NOP14: variants seen among roughly 807,000 people sequenced by gnomAD.
The protein encoded by NOP14 is nucleolar protein 14.
NOP14 carries 57 observed loss-of-function variants against 101.6 expected under a neutral mutation model. That is an observed-to-expected ratio of 0.56 (90% CI 0.45 to 0.70). NOP14 has a LOEUF of 0.70. Among genes scored for constraint, NOP14 ranks in the 30% least tolerant of loss-of-function variants. The probability of loss-of-function intolerance (pLI) is 0.00; values close to 1 mark genes in which losing one functional copy is unlikely to be tolerated. For missense variants in NOP14, 1,134 were observed against 1,075.5 expected (o/e 1.05, Z -0.76); for synonymous variants, 428 against 424.0 (o/e 1.01, Z -0.12).
At position 2,938,827 on chromosome 4, in the gene NOP14, T is replaced by G; in HGVS notation, c.*4A>C. The G allele has an allele frequency of 6.2e-7, 1 of 1,607,760 alleles. No homozygotes were observed. Among genetic ancestry groups the G allele is most frequent in the Non-Finnish European group, 8.5e-7 (1 of 1,174,572 alleles). ...AGTTCCTTGCCTTATTTATAAAATG[T>G]AATTTATTTTTTGAACTTTTTCCTC... On this transcript the variant is annotated 3_prime_UTR_variant, in exon 18 of 18. Coordinates refer to ENST00000416614, the MANE Select transcript of NOP14 (RefSeq NM_001291978.2).
At chr4:2,953,172 A>G (rs975905214) in intron 5 of NOP14, among the ~76,000 whole-genome samples, 1 of 152,234 alleles carries the variant, frequency 6.6e-6, no homozygotes, top group African/African-American at 2.4e-5. Flanking sequence ...CAGAGGCAAA[A>G]ATAAGTAAAT....
intron 4 of NOP14, among the ~76,000 whole-genome samples, 174 bp from the exon 5 acceptor site, chr4:2,953,819 C>T (rs532043698): frequency 6.6e-6 from 1 of 152,296 alleles, no homozygotes; most frequent in South Asian, 2.1e-4. Flanking sequence ...TACCAAATCT[C>T]ATCAGACGGA....
chr4:2,956,966 A>T (rs955660208), intron 2 of NOP14, among the ~76,000 whole-genome samples, 155 bp from the exon 3 acceptor site: 1 of 152,152 alleles, frequency 6.6e-6, no homozygotes, highest in Non-Finnish European at 1.5e-5. Context: ...CTAAGCAATG[A>T]TTCATGATTC....
At chr4:2,959,404 A>C (rs953274048) in intron 1 of NOP14, among the ~76,000 whole-genome samples, 1 of 152,104 alleles carries the variant, frequency 6.6e-6, no homozygotes, top group Admixed American at 6.5e-5. Flanking sequence ...CATCCTGGGT[A>C]ACATGGTGAA....
chr4:2,942,965 C>T (rs187587175), intron 13 of NOP14, among the ~76,000 whole-genome samples: 146 of 152,278 alleles, frequency 9.6e-4, no homozygotes, highest in Non-Finnish European at 8.7e-4. Context: ...GAGGGGAAGG[C>T]GTGGGTCAGG....
chr4:2,958,985 A>G (rs1169064369), intron 1 of NOP14, among the ~76,000 whole-genome samples: 2 of 152,220 alleles, frequency 1.3e-5, no homozygotes, highest in African/African-American at 4.8e-5. Flanking sequence ...TTTAGAGCAC[A>G]TTCCATCTGG....
At chr4:2,960,662 T>TCATTATATTAA (rs1715671923) in intron 1 of NOP14, among the ~76,000 whole-genome samples, 4 of 144,816 alleles carry the variant, frequency 2.8e-5, no homozygotes, top group African/African-American at 7.7e-5. Flanking sequence ...TTACTATATA[T>TCATTATATTAA]TATTATATTA....
At chr4:2,948,174 G>GC in intron 9 of NOP14, 104 bp downstream of exon 9, 1 of 1,390,498 alleles carries the variant, frequency 7.2e-7, no homozygotes, top group East Asian at 2.6e-5. Flanking sequence ...GCCCCATCTG[G>GC]CCTGAGGCAC....
At chr4:2,954,837 T>C (rs969348445) in intron 3 of NOP14, among the ~76,000 whole-genome samples, 2 of 151,946 alleles carry the variant, frequency 1.3e-5, no homozygotes, top group African/African-American at 2.4e-5. Context: ...TATTTTTGAT[T>C]GTGCTGGTTC....
chr4:2,948,156 A>AC (rs2109302745), intron 9 of NOP14, 122 bp downstream of exon 9: 1 of 1,229,300 alleles, frequency 8.1e-7, no homozygotes, highest in East Asian at 2.6e-5. Context: ...TAACCATGTG[A>AC]CGGGCTGGCC....
chr4:2,941,353 G>A (rs1433011131), intron 15 of NOP14: 4 of 538,580 alleles, frequency 7.4e-6, no homozygotes, highest in African/African-American at 1.9e-5. Flanking sequence ...CACACAAGGC[G>A]ACAGTTCCCA....
At chr4:2,944,796 A>G in intron 12 of NOP14, among the ~76,000 whole-genome samples, 1 of 152,266 alleles carries the variant, frequency 6.6e-6, no homozygotes, top group Non-Finnish European at 1.5e-5. Flanking sequence ...CTAATAAAGA[A>G]AAAGGAACAG....
rs762916116 is a variant in NOP14, at chr4:2,956,484, A to G, written c.472+186T>C. 3.3e-5 allele frequency among the ~76,000 whole-genome samples: 5 copies of G among 152,218 alleles called. No homozygotes were observed. The South Asian group carries it at 6.2e-4, about 19-fold the overall frequency. Reference sequence around the variant, plus strand: ...ATCTACACACCATCTTAAAGTTCTGAAAACTTAAAAAAAAAACAAAAATAC... The same window carrying G: ...ATCTACACACCATCTTAAAGTTCTGGAAACTTAAAAAAAAAACAAAAATAC... On this transcript the variant is annotated intron_variant, in intron 3 of 17. Transcript: ENST00000416614.
intron 1 of NOP14, among the ~76,000 whole-genome samples, 177 bp downstream of exon 1, chr4:2,962,948 A>G (rs906230259): frequency 6.6e-6 from 1 of 152,182 alleles, no homozygotes; most frequent in Non-Finnish European, 1.5e-5. Context: ...GAGAGTTTCC[A>G]GGTCACTCCA....
intron 11 of NOP14, 64 bp from the exon 12 acceptor site, chr4:2,945,293 G>A (rs1452397725): frequency 5.8e-6 from 7 of 1,204,334 alleles, no homozygotes; most frequent in South Asian, 3.9e-5. Context: ...TGCCCTCCCC[G>A]CAAACACTCC....
chr4:2,938,772 G>A lies in NOP14; in HGVS notation c.*59C>T, dbSNP rs1713887986. ...ATCTTCCTGCCTTGGCCTCCCAGAG[G>A]GTTGGAATTGCAGATGTGAGGTAAT... On this transcript the variant is annotated 3_prime_UTR_variant, in exon 18 of 18. Transcript: ENST00000416614. 2.1e-6 allele frequency: 3 copies of A among 1,414,840 alleles called. No individual in the cohort carries two copies. In the African/African-American group the frequency reaches 4.3e-5, roughly 20 times the overall value. 87.6% of individuals were successfully genotyped at this position (1,414,840 alleles called of 1,614,324 possible). A position where few individuals can be genotyped will look rare whatever the true frequency, so the allele number is the denominator to read the frequency against.
In NOP14 at chr4:2,953,523, C is replaced by T. The variant is rs546748011; in HGVS notation, c.735G>A (p.Lys245=). The T allele has an allele frequency of 3.1e-6, 5 of 1,613,972 alleles. No individual in the cohort carries two copies. In the South Asian group the frequency reaches 5.5e-5, roughly 18 times the overall value. Residue 245 remains lysine (K), a synonymous_variant, in exon 5 of 18, where the codon AAG becomes AAA. Transcript: ENST00000416614. ...ACTTGGCTCCCACCTTGGGTTTTTC[C>T]TTTTTGTCTCTGTTCTCTGACTTGG... ...KTPKSENRDK[K]EKPKPDAYDM... is the part of the protein sequence containing the mutation.
At position 2,945,203 on chromosome 4, in the gene NOP14, C is replaced by T. The variant is rs1415300999; in HGVS notation, c.1662G>A (p.Leu554=). The T allele has an allele frequency of 6.3e-7, 1 of 1,579,768 alleles. No individual in the cohort carries two copies. The change falls in exon 12 of 18, where the codon CTG becomes CTA. Residue 554 remains leucine (L), a synonymous_variant. Transcript: ENST00000416614. ...GCCAGAAGTCGGAAGTTGGAAATAG[C>T]AGCCCAGTGATTTTCAAATAAATGA... is the stretch of plus-strand genomic sequence containing the variant. ...DVLIYLKITG[L]LFPTSDFWHP... is the part of the protein sequence containing the mutation.
At chr4:2,954,729 G>C (rs905653716) in intron 3 of NOP14, among the ~76,000 whole-genome samples, 166 bp from the exon 4 acceptor site, 3 of 152,162 alleles carry the variant, frequency 2.0e-5, no homozygotes, top group African/African-American at 7.2e-5. Context: ...AGGCACAATG[G>C]CACTTGAGAA....
Sources: allele counts gnomAD v4.1 joint callset (sites outside exome capture counted in the v4.1 genomes callset), GRCh38; gene constraint gnomAD v4.1.1; transcripts MANE v1.5; gene names NCBI Gene and HGNC (gene_info 2026-07-23, HGNC 2026-07-21).